The following DCDC1 variants were observed in gnomAD, a reference collection of about 807,000 sequenced individuals.
DCDC1 encodes doublecortin domain containing 1, also known as doublecortin domain-containing protein 1.
DCDC1 carries 200 observed loss-of-function variants against 178.3 expected under a neutral mutation model. That is an observed-to-expected ratio of 1.12 (90% CI 1.00 to 1.26). The LOEUF is 1.26. Ranked by LOEUF, DCDC1 falls within the 50% of genes most tolerant of loss-of-function variation. The pLI is 0.00. For missense variants in DCDC1, 1,983 were observed against 1,749.2 expected (o/e 1.13, Z -2.38); for synonymous variants, 690 against 604.8 (o/e 1.14, Z -2.07).
chr11:31,163,795 C>T (rs758617833), intron 9 of DCDC1, among the ~76,000 whole-genome samples: 43 of 152,042 alleles, frequency 2.8e-4, no homozygotes, highest in Non-Finnish European at 4.9e-4. Flanking sequence ...CTTTCAGGAA[C>T]GTTAAAACAA....
At chr11:31,155,432 G>A (rs180711272) in intron 9 of DCDC1, among the ~76,000 whole-genome samples, 6 of 152,298 alleles carry the variant, frequency 3.9e-5, no homozygotes. Context: ...CCCAAAACAT[G>A]ACCCATTTCT....
chr11:31,149,629 A>T (rs185726733), intron 9 of DCDC1, among the ~76,000 whole-genome samples: 1 of 152,110 alleles, frequency 6.6e-6, no homozygotes, highest in Non-Finnish European at 1.5e-5. Context: ...TTTATGAGCC[A>T]TAACACTCAC....
intron 9 of DCDC1, among the ~76,000 whole-genome samples, chr11:31,213,834 G>T (rs1251751259): frequency 6.6e-6 from 1 of 151,552 alleles, no homozygotes; most frequent in African/African-American, 2.4e-5. Flanking sequence ...ACTATTACTT[G>T]TTTAAAAAAG....
chr11:31,144,683 T>C lies in DCDC1; in HGVS notation c.1222-6899A>G, dbSNP rs1964248229. On this transcript the variant is annotated intron_variant, in intron 9 of 38. Transcript: ENST00000684477. ...AATATTGAACTTTTTTTCTATGTAT[T>C]TTCTTTTGCTATATGTATTTTTTCT... Among the ~76,000 whole-genome samples the C allele has an allele frequency of 1.3e-5, 2 of 152,164 alleles. 1 individual carries two copies. The highest frequency in any genetic ancestry group is 1.3e-4 in the Admixed American group (2 of 15,276).
chr11:31,275,880 T>C (rs1251378496), intron 7 of DCDC1, among the ~76,000 whole-genome samples: 1 of 152,194 alleles, frequency 6.6e-6, no homozygotes, highest in Non-Finnish European at 1.5e-5. Flanking sequence ...TTCTGGCCAA[T>C]GAGACATAAG....
chr11:31,290,947 C>T, intron 6 of DCDC1, 95 bp from the exon 7 acceptor site: 1 of 1,087,740 alleles, frequency 9.2e-7, no homozygotes, highest in South Asian at 1.6e-5. Context: ...GTGTATTATA[C>T]ACTGGCCAGT....
At chr11:31,263,099 A>G (rs774803528) in intron 8 of DCDC1, 11 of 1,611,020 alleles carry the variant, frequency 6.8e-6, no homozygotes, top group Non-Finnish European at 9.3e-6. Flanking sequence ...ATTCTGTTAT[A>G]CCATATTTGG....
intron 9 of DCDC1, among the ~76,000 whole-genome samples, chr11:31,211,580 C>G (rs1485761080): frequency 6.6e-6 from 1 of 152,118 alleles, no homozygotes; most frequent in South Asian, 2.1e-4. Flanking sequence ...TGCCTAGATA[C>G]TTTGTTCTTT....
intron 6 of DCDC1, among the ~76,000 whole-genome samples, chr11:31,302,057 C>A (rs1405780469): frequency 6.6e-6 from 1 of 152,014 alleles, no homozygotes; most frequent in East Asian, 1.9e-4. Context: ...TTCTGAAAGC[C>A]CAGTAATAGA....
At chr11:31,004,518 G>GA (rs11461869) in intron 20 of DCDC1, among the ~76,000 whole-genome samples, 87,370 of 138,100 alleles carry the variant, frequency 0.63, 28,006 homozygotes, top group African/African-American at 0.79. Context: ...CTAAACATAC[G>GA]AAAAAAAAAA....
chr11:31,143,864 G>A (rs940666162), intron 9 of DCDC1, among the ~76,000 whole-genome samples: 1 of 152,170 alleles, frequency 6.6e-6, no homozygotes, highest in East Asian at 1.9e-4. Context: ...GATGGTTAAT[G>A]CAGCCCAAGC....
intron 9 of DCDC1, among the ~76,000 whole-genome samples, chr11:31,180,381 A>G (rs1968624996): frequency 6.6e-6 from 1 of 152,220 alleles, no homozygotes; most frequent in South Asian, 2.1e-4. Flanking sequence ...ACATAGATAT[A>G]TATCAAAACA....
At chr11:31,035,728 T>G (rs1014599752) in intron 20 of DCDC1, among the ~76,000 whole-genome samples, 14 of 152,260 alleles carry the variant, frequency 9.2e-5, no homozygotes, top group African/African-American at 2.9e-4. Context: ...GTCTTGCTTT[T>G]CCTTAAACTT....
intron 9 of DCDC1, among the ~76,000 whole-genome samples, chr11:31,162,534 T>G (rs867228578): frequency 6.6e-6 from 1 of 152,172 alleles, no homozygotes; most frequent in Non-Finnish European, 1.5e-5. Flanking sequence ...TGTATTATGT[T>G]TTCAATCGTT....
intron 9 of DCDC1, among the ~76,000 whole-genome samples, chr11:31,182,899 G>A (rs558260731): frequency 7.9e-5 from 12 of 151,056 alleles, no homozygotes; most frequent in Non-Finnish European, 1.6e-4. Flanking sequence ...TAAAGGGATG[G>A]AGGAATACTT....
chr11:30,913,554 C>T (rs1264451216), intron 27 of DCDC1, among the ~76,000 whole-genome samples: 1 of 152,206 alleles, frequency 6.6e-6, no homozygotes, highest in East Asian at 1.9e-4. Context: ...AATGACGGAT[C>T]AACCAATATC....
chr11:31,247,531 G>A (rs1943651347), intron 8 of DCDC1, among the ~76,000 whole-genome samples: 1 of 151,856 alleles, frequency 6.6e-6, no homozygotes, highest in African/African-American at 2.4e-5. Flanking sequence ...GCCATGTTCA[G>A]GGCTGGCCTT....
chr11:30,956,887 C>A (rs1306638333), intron 20 of DCDC1, among the ~76,000 whole-genome samples: 1 of 152,208 alleles, frequency 6.6e-6, no homozygotes, highest in Non-Finnish European at 1.5e-5. Context: ...TTGACTCCAA[C>A]CCCTGAGGGG....
intron 20 of DCDC1, among the ~76,000 whole-genome samples, chr11:31,041,583 C>G (rs1350812343): frequency 6.6e-6 from 1 of 152,108 alleles, no homozygotes; most frequent in East Asian, 1.9e-4. Flanking sequence ...AATTCGGAAC[C>G]AGGGATTTTG....
Sources: gnomAD v4.1 joint callset for allele counts (sites outside exome capture counted in the v4.1 genomes callset) on GRCh38, gnomAD v4.1.1 for gene constraint, MANE v1.5 for transcripts, NCBI Gene and HGNC (gene_info 2026-07-23, HGNC 2026-07-21) for gene names.